The following HACD2 variants were observed in gnomAD, a reference collection of about 807,000 sequenced individuals.
The protein encoded by HACD2 is 3-hydroxyacyl-CoA dehydratase 2, also known as very-long-chain (3R)-3-hydroxyacyl-CoA dehydratase 2.
In HACD2, 15 loss-of-function variants were observed where a neutral mutation model predicts 31.0. That is an observed-to-expected ratio of 0.48 (90% CI 0.32 to 0.75). HACD2 has a LOEUF of 0.75. HACD2 is among the 30% of genes least tolerant of loss of function. HACD2 has a pLI of 0.03. For missense variants in HACD2, 283 were observed against 313.0 expected (o/e 0.90, Z 0.72); for synonymous variants, 115 against 122.2 (o/e 0.94, Z 0.39).
intron 4 of HACD2, among the ~76,000 whole-genome samples, chr3:123,504,249 G>A (rs1051577436): frequency 3.3e-5 from 5 of 152,078 alleles, no homozygotes; most frequent in Admixed American, 6.6e-5. Context: ...TTTATCTTAA[G>A]GAGATATGTT....
chr3:123,514,978 A>T (rs986831902), intron 4 of HACD2, among the ~76,000 whole-genome samples: 3 of 152,230 alleles, frequency 2.0e-5, no homozygotes, highest in South Asian at 2.1e-4. Flanking sequence ...CAGAATTCAA[A>T]ACAGTTATAC....
intron 4 of HACD2, among the ~76,000 whole-genome samples, chr3:123,504,264 C>T (rs1194721564): frequency 6.6e-6 from 1 of 152,120 alleles, no homozygotes; most frequent in Non-Finnish European, 1.5e-5. Context: ...TATGTTTTTA[C>T]AGCTAAGAGT....
chr3:123,544,221 A>G (rs1342182032), intron 3 of HACD2, among the ~76,000 whole-genome samples: 2 of 152,170 alleles, frequency 1.3e-5, no homozygotes, highest in Admixed American at 1.3e-4. Context: ...TCGCAGGAGG[A>G]GTGAAGCTTG....
chr3:123,533,516 T>C (rs981928948), intron 3 of HACD2, among the ~76,000 whole-genome samples: 1 of 152,238 alleles, frequency 6.6e-6, no homozygotes, highest in African/African-American at 2.4e-5. Flanking sequence ...TTACTTCTTA[T>C]TTGAACACAA....
intron 3 of HACD2, among the ~76,000 whole-genome samples, chr3:123,546,138 T>C (rs890493389): frequency 2.6e-5 from 4 of 152,150 alleles, no homozygotes; most frequent in Non-Finnish European, 5.9e-5. Flanking sequence ...ATTATTGAGA[T>C]TTATGACCAC....
At chr3:123,499,189 T>C (rs1196316237) in intron 6 of HACD2, 1 of 158,362 alleles carries the variant, frequency 6.3e-6, no homozygotes. Context: ...TGGGATAATA[T>C]GTGTTAGTTA....
At position 123,527,706 on chromosome 3, in the gene HACD2, T is replaced by C. The variant is rs146583090; in HGVS notation, c.381+680A>G. On this transcript the variant is annotated intron_variant, in intron 4 of 6. Transcript: ENST00000383657. Reference sequence around the variant, plus strand: ...AGTCCTACAGTAGGAACAAATCTTATATTTGTGAAATTGTGAAGGAAAAAG... The same window carrying C: ...AGTCCTACAGTAGGAACAAATCTTACATTTGTGAAATTGTGAAGGAAAAAG... 2.2e-3 allele frequency among the ~76,000 whole-genome samples: 332 copies of C among 152,348 alleles called. 1 individual carries two copies. The highest frequency in any genetic ancestry group is 7.7e-3 in the African/African-American group (320 of 41,580).
At chr3:123,560,510 A>G (rs2056716141) in intron 3 of HACD2, among the ~76,000 whole-genome samples, 1 of 152,140 alleles carries the variant, frequency 6.6e-6, no homozygotes, top group African/African-American at 2.4e-5. Context: ...CTGCCTGGCT[A>G]GGTTACATCC....
chr3:123,572,230 G>GCA (rs2056862452), intron 2 of HACD2, among the ~76,000 whole-genome samples: 1 of 152,132 alleles, frequency 6.6e-6, no homozygotes, highest in South Asian at 2.1e-4. Flanking sequence ...GTTGCACCAG[G>GCA]CACAGTGGCT....
intron 4 of HACD2, among the ~76,000 whole-genome samples, chr3:123,519,701 A>G (rs952382620): frequency 5.9e-5 from 9 of 152,218 alleles, no homozygotes; most frequent in Non-Finnish European, 1.3e-4. Flanking sequence ...AAGCTACACT[A>G]CATAAAGGAC....
chr3:123,527,836 G>A (rs1237874672), intron 4 of HACD2, among the ~76,000 whole-genome samples: 1 of 152,240 alleles, frequency 6.6e-6, no homozygotes, highest in Non-Finnish European at 1.5e-5. Context: ...TTTGCGGGTA[G>A]AAGGCATAAA....
intron 3 of HACD2, 92 bp downstream of exon 3, chr3:123,567,670 A>T: frequency 4.8e-6 from 4 of 831,418 alleles, no homozygotes; most frequent in Non-Finnish European, 7.0e-6. Context: ...CATTTTTTCA[A>T]TATTTAACAG....
intron 3 of HACD2, among the ~76,000 whole-genome samples, chr3:123,545,537 T>C (rs2056549848): frequency 8.3e-6 from 1 of 121,194 alleles, no homozygotes; most frequent in African/African-American, 3.6e-5. Context: ...AGAAATAAAG[T>C]CTTTTTACTT....
intron 4 of HACD2, among the ~76,000 whole-genome samples, chr3:123,525,089 G>A (rs1387610266): frequency 1.3e-5 from 2 of 152,100 alleles, no homozygotes; most frequent in Non-Finnish European, 2.9e-5. Flanking sequence ...CAAGATTTTC[G>A]CAAGCATCCT....
intron 3 of HACD2, among the ~76,000 whole-genome samples, chr3:123,549,350 T>G (rs756405320): frequency 1.1e-4 from 17 of 152,192 alleles, no homozygotes; most frequent in Non-Finnish European, 2.2e-4. Context: ...TGAACTCAAC[T>G]GCCTCCTGAA....
rs73857662 is a variant in HACD2, at chr3:123,536,515, C to T, written c.293-8041G>A. Among the ~76,000 whole-genome samples the T allele has an allele frequency of 6.0e-3, 907 of 152,238 alleles. 9 individuals carry two copies. The highest frequency in any genetic ancestry group is 0.021 in the African/African-American group (881 of 41,540). Reference sequence around the variant, plus strand: ...AGCAACTGGAAGATACTATGGAAAACGAAGACAACCCAACATAAGGATAAC... The same window carrying T: ...AGCAACTGGAAGATACTATGGAAAATGAAGACAACCCAACATAAGGATAAC... On this transcript the variant is annotated intron_variant, in intron 3 of 6. Coordinates refer to ENST00000383657, the MANE Select transcript of HACD2 (RefSeq NM_198402.5).
intron 4 of HACD2, among the ~76,000 whole-genome samples, chr3:123,507,471 G>C (rs2055991670): frequency 6.6e-6 from 1 of 152,026 alleles, no homozygotes; most frequent in South Asian, 2.1e-4. Context: ...ACACAGACAA[G>C]CCTCCAAAAC....
chr3:123,502,395 AAAGTT>A lies in HACD2; in HGVS notation c.503+160_503+164del, dbSNP rs371137660. Among the ~76,000 whole-genome samples the A allele has an allele frequency of 7.0e-3, 1,069 of 152,362 alleles. 11 individuals are homozygous for A. Among genetic ancestry groups the A allele is most frequent in the African/African-American group, 0.024 (998 of 41,580 alleles). ...CCTTAAAACAGTATTTCCGTTAGTC[AAAGTT>A]AAGTACAGACTCCTATTCTGATGAA... is the stretch of plus-strand genomic sequence containing the variant. On this transcript the variant is annotated intron_variant, in intron 5 of 6. Transcript: ENST00000383657.
intron 2 of HACD2, among the ~76,000 whole-genome samples, chr3:123,568,438 TA>T (rs909567325): frequency 3.3e-4 from 50 of 152,332 alleles, no homozygotes; most frequent in African/African-American, 1.1e-3. Context: ...TCCCTCTTGA[TA>T]ACCAGCCTCC....
Sources: allele counts gnomAD v4.1 joint callset (sites outside exome capture counted in the v4.1 genomes callset), GRCh38; gene constraint gnomAD v4.1.1; transcripts MANE v1.5; gene names NCBI Gene and HGNC (gene_info 2026-07-23, HGNC 2026-07-21).